Variants in L3MBTL4 observed in about 807,000 individuals in gnomAD.
L3MBTL4 encodes the protein L3MBTL histone methyl-lysine binding protein 4, also known as lethal(3)malignant brain tumor-like protein 4.
L3MBTL4 carries 70 observed loss-of-function variants against 84.5 expected under a neutral mutation model. The ratio of observed to expected loss-of-function variants is 0.83; its 90% CI spans 0.68 to 1.01. The LOEUF (loss-of-function observed/expected upper bound fraction) is 1.01, where lower values mean the gene tolerates loss of function less well. Ranked by LOEUF, L3MBTL4 falls within the 50% of genes least tolerant of loss-of-function variation. The probability of loss-of-function intolerance (pLI) is 0.00; values close to 1 mark genes in which losing one functional copy is unlikely to be tolerated. For synonymous variants in L3MBTL4, 274 were observed against 259.8 expected (o/e 1.05, Z -0.52); for missense variants, 715 against 754.8 (o/e 0.95, Z 0.62).
chr18:6,401,719 G>A (rs921491666), intron 1 of L3MBTL4, among the ~76,000 whole-genome samples: 6 of 152,176 alleles, frequency 3.9e-5, no homozygotes, highest in Non-Finnish European at 8.8e-5. Flanking sequence ...CCCACAAGGC[G>A]GCTCTAATAT....
At chr18:6,130,431 A>T (rs2059838549) in intron 14 of L3MBTL4, among the ~76,000 whole-genome samples, 1 of 152,188 alleles carries the variant, frequency 6.6e-6, no homozygotes, top group African/African-American at 2.4e-5. Flanking sequence ...TATTAGATTT[A>T]TCTGATACCC....
intron 1 of L3MBTL4, among the ~76,000 whole-genome samples, chr18:6,348,119 T>C (rs1175203603): frequency 1.3e-5 from 2 of 151,732 alleles, no homozygotes; most frequent in African/African-American, 2.4e-5. Context: ...GAAAACTATA[T>C]AGAACATTAT....
At chr18:6,143,847 C>T (rs2060265612) in intron 13 of L3MBTL4, among the ~76,000 whole-genome samples, 1 of 152,068 alleles carries the variant, frequency 6.6e-6, no homozygotes, top group African/African-American at 2.4e-5. Flanking sequence ...GCCAGAACAG[C>T]GACTGGCAGA....
chr18:6,286,432 C>T (rs887214669), intron 4 of L3MBTL4, among the ~76,000 whole-genome samples: 9 of 151,410 alleles, frequency 5.9e-5, no homozygotes, highest in African/African-American at 2.2e-4. Flanking sequence ...CCACTGCACT[C>T]GCCTGGGCGA....
At chr18:6,170,178 A>G (rs945653817) in intron 13 of L3MBTL4, among the ~76,000 whole-genome samples, 10 of 152,072 alleles carry the variant, frequency 6.6e-5, no homozygotes, top group Admixed American at 5.9e-4. Flanking sequence ...CAGCATTCTG[A>G]CTCCAGTTTT....
chr18:6,205,787 T>TA (rs1228761365), intron 12 of L3MBTL4, among the ~76,000 whole-genome samples: 1 of 152,190 alleles, frequency 6.6e-6, no homozygotes, highest in Non-Finnish European at 1.5e-5. Context: ...TGGTTAAAAA[T>TA]AGAGTGCCTA....
chr18:6,388,005 G>A (rs1219909365), intron 1 of L3MBTL4, among the ~76,000 whole-genome samples: 3 of 152,060 alleles, frequency 2.0e-5, no homozygotes, highest in African/African-American at 7.3e-5. Context: ...CAGTAATTAG[G>A]TAAAAAAGGT....
At chr18:6,271,276 A>G (rs1055362505) in intron 4 of L3MBTL4, among the ~76,000 whole-genome samples, 1 of 152,222 alleles carries the variant, frequency 6.6e-6, no homozygotes, top group Non-Finnish European at 1.5e-5. Context: ...ATTTGAGGTG[A>G]TGGCGCGTTA....
At chr18:6,093,323 T>C (rs753001810) in intron 15 of L3MBTL4, 32 bp downstream of exon 15, 2 of 1,558,044 alleles carry the variant, frequency 1.3e-6, no homozygotes, top group Non-Finnish European at 8.7e-7. Flanking sequence ...CATGGTTTAC[T>C]TTCTGGCTCA....
intron 16 of L3MBTL4, among the ~76,000 whole-genome samples, chr18:6,001,013 T>C (rs142918753): frequency 4.0e-4 from 61 of 152,328 alleles, no homozygotes; most frequent in African/African-American, 1.3e-3. Flanking sequence ...TTGGTCAATT[T>C]CAGCTCTTAG....
chr18:6,033,672 G>A (rs2145632867), intron 16 of L3MBTL4, among the ~76,000 whole-genome samples: 1 of 152,106 alleles, frequency 6.6e-6, no homozygotes, highest in Admixed American at 6.5e-5. Flanking sequence ...TTTTTGTAAT[G>A]AAATGTTGCA....
At chr18:6,271,030 G>A (rs1309645512) in intron 4 of L3MBTL4, among the ~76,000 whole-genome samples, 5 of 152,300 alleles carry the variant, frequency 3.3e-5, no homozygotes, top group African/African-American at 2.4e-5. Flanking sequence ...TGCCCTCTGT[G>A]GTTACAGAGC....
chr18:6,194,122 T>C (rs551471217), intron 12 of L3MBTL4, among the ~76,000 whole-genome samples: 2 of 152,292 alleles, frequency 1.3e-5, no homozygotes, highest in African/African-American at 4.8e-5. Flanking sequence ...TAAAAAAAAC[T>C]GCAATTTTAA....
intron 16 of L3MBTL4, among the ~76,000 whole-genome samples, chr18:5,978,112 G>A (rs1320184284): frequency 6.6e-6 from 1 of 152,216 alleles, no homozygotes; most frequent in Non-Finnish European, 1.5e-5. Context: ...AGATAAGGCA[G>A]TGGCAAATGC....
chr18:6,368,221 A>G (rs566748483), intron 1 of L3MBTL4, among the ~76,000 whole-genome samples: 1 of 152,042 alleles, frequency 6.6e-6, no homozygotes, highest in East Asian at 1.9e-4. Flanking sequence ...CTGCTTCTCC[A>G]TGACTCACAG....
chr18:6,145,417 A>G (rs1403018664), intron 13 of L3MBTL4, among the ~76,000 whole-genome samples: 3 of 152,104 alleles, frequency 2.0e-5, no homozygotes, highest in Non-Finnish European at 4.4e-5. Context: ...GCTGACCCTG[A>G]AGCAAATTAA....
intron 15 of L3MBTL4, among the ~76,000 whole-genome samples, chr18:6,089,178 G>A (rs2058356300): frequency 6.6e-6 from 1 of 152,122 alleles, no homozygotes; most frequent in African/African-American, 2.4e-5. Context: ...ATGGGGAGTA[G>A]AGGGGAGCTG....
intron 14 of L3MBTL4, among the ~76,000 whole-genome samples, chr18:6,100,575 G>A (rs1474559474): frequency 6.6e-6 from 1 of 152,284 alleles, no homozygotes; most frequent in East Asian, 1.9e-4. Flanking sequence ...ACATTTTGGG[G>A]ATTATATTGT....
At chr18:6,268,830 G>A (rs983874701) in intron 4 of L3MBTL4, among the ~76,000 whole-genome samples, 21 of 151,180 alleles carry the variant, frequency 1.4e-4, no homozygotes, top group African/African-American at 3.2e-4. Flanking sequence ...ATGTGTATAC[G>A]TGTGTGTGTG....
Sources: gnomAD v4.1 joint callset for allele counts (sites outside exome capture counted in the v4.1 genomes callset) on GRCh38, gnomAD v4.1.1 for gene constraint, MANE v1.5 for transcripts, NCBI Gene and HGNC (gene_info 2026-07-23, HGNC 2026-07-21) for gene names.